The following ARHGEF11 variants were observed in gnomAD, a reference collection of about 807,000 sequenced individuals.
ARHGEF11 encodes Rho guanine nucleotide exchange factor 11.
In ARHGEF11, 55 loss-of-function variants were observed where a neutral mutation model predicts 193.7. The observed-to-expected ratio is 0.28, with a 90% CI of 0.23 to 0.36. The LOEUF (loss-of-function observed/expected upper bound fraction) is 0.36. Among genes scored for constraint, ARHGEF11 ranks in the 10% least tolerant of loss-of-function variants. ARHGEF11 has a pLI of 1.00. For synonymous variants in ARHGEF11, 693 were observed against 768.0 expected, an observed-to-expected ratio of 0.90 and a Z score of 1.62; for missense variants, 1,723 against 2,005.6, an observed-to-expected ratio of 0.86 and a Z score of 2.69.
intron 1 of ARHGEF11, among the ~76,000 whole-genome samples, chr1:157,040,474 T>C (rs1259286711): frequency 1.3e-5 from 2 of 152,164 alleles, no homozygotes; most frequent in African/African-American, 4.8e-5. Flanking sequence ...ACAGAACAAA[T>C]CCTTTCTATC....
At chr1:156,937,615 A>C in intron 38 of ARHGEF11, 119 bp from the exon 39 acceptor site, 1 of 1,110,356 alleles carries the variant, frequency 9.0e-7, no homozygotes, top group East Asian at 2.7e-5. Flanking sequence ...CTCTCCAGAC[A>C]AACTCAGAGA....
At chr1:156,982,598 A>T (rs1004798241) in intron 3 of ARHGEF11, among the ~76,000 whole-genome samples, 1 of 152,024 alleles carries the variant, frequency 6.6e-6, no homozygotes, top group Admixed American at 6.5e-5. Context: ...TAGAACTCAT[A>T]TTCTCCCTGT....
In ARHGEF11 at chr1:156,946,148, G is replaced by A. The variant is rs536993834; in HGVS notation, c.2709C>T (p.His903=). 15 of 1,613,532 alleles carry A rather than the reference G, an allele frequency of 9.3e-6. No homozygotes were observed. Among genetic ancestry groups the A allele is most frequent in the Non-Finnish European group, 1.2e-5 (14 of 1,179,936 alleles). Residue 903 remains histidine (H), a synonymous_variant, in exon 29 of 41, where the codon CAC becomes CAT. Coordinates refer to ENST00000368194, the MANE Select transcript of ARHGEF11 (RefSeq NM_198236.3). ...TCAGCTGCAGCCGCCGACACTGAGG[G>A]TGGCTCTCAGCCTCCTAGACAGCAG... The part of the protein sequence containing the change: ...FQLFMQEAES[H]PQCRRLQLRD...
intron 1 of ARHGEF11, among the ~76,000 whole-genome samples, chr1:157,026,744 A>G (rs1011238288): frequency 6.6e-6 from 1 of 152,224 alleles, no homozygotes; most frequent in Non-Finnish European, 1.5e-5. Context: ...TGTAACAGCT[A>G]TGTTTCAGAA....
At chr1:156,949,469 G>A (rs1269954253) in intron 22 of ARHGEF11, among the ~76,000 whole-genome samples, 1 of 152,170 alleles carries the variant, frequency 6.6e-6, no homozygotes, top group African/African-American at 2.4e-5. Context: ...TAATAGCACA[G>A]CAGGTTGCTG....
intron 1 of ARHGEF11, among the ~76,000 whole-genome samples, chr1:156,997,550 G>A (rs561593186): frequency 2.2e-4 from 34 of 152,264 alleles, no homozygotes; most frequent in African/African-American, 7.7e-4. Flanking sequence ...ACAGCGATGC[G>A]TGGAATGCAC....
At chr1:157,022,579 TA>T (rs1395375221) in intron 1 of ARHGEF11, among the ~76,000 whole-genome samples, 1 of 152,194 alleles carries the variant, frequency 6.6e-6, no homozygotes, top group South Asian at 2.1e-4. Flanking sequence ...TTAAAATTGT[TA>T]AGATGATACT....
chr1:156,957,586 ATCCCTGAGCATCAGGGGC>A (rs1351029559), intron 18 of ARHGEF11, among the ~76,000 whole-genome samples, 188 bp downstream of exon 18: 1 of 152,212 alleles, frequency 6.6e-6, no homozygotes, highest in East Asian at 1.9e-4. Flanking sequence ...CCAGGCAGTG[ATCCCTGAGCATCAGGGGC>A]GTGGGCCTCA....
chr1:156,995,137 C>T (rs959178396), intron 1 of ARHGEF11, among the ~76,000 whole-genome samples: 4 of 152,228 alleles, frequency 2.6e-5, no homozygotes, highest in African/African-American at 7.2e-5. Context: ...AGACCATCAT[C>T]TCTCACCTAG....
At chr1:157,008,738 G>A (rs1324312894) in intron 1 of ARHGEF11, among the ~76,000 whole-genome samples, 1 of 152,152 alleles carries the variant, frequency 6.6e-6, no homozygotes, top group Non-Finnish European at 1.5e-5. Context: ...ATGTAGGGGT[G>A]TTGGCCATTC....
intron 1 of ARHGEF11, among the ~76,000 whole-genome samples, chr1:157,024,097 G>A (rs1459561259): frequency 9.0e-5 from 1 of 11,088 alleles, no homozygotes; most frequent in Non-Finnish European, 9.0e-4. Flanking sequence ...GATATTAATT[G>A]GCATAAAAAA....
chr1:156,946,849 C>T (rs1288187960), intron 27 of ARHGEF11, 62 bp from the exon 28 acceptor site: 16 of 1,536,884 alleles, frequency 1.0e-5, no homozygotes, highest in East Asian at 9.6e-5. Context: ...CAGACCCCTG[C>T]CTTTGCCAAA....
intron 5 of ARHGEF11, 74 bp downstream of exon 5, chr1:156,979,155 A>C: frequency 2.1e-6 from 3 of 1,433,182 alleles, no homozygotes; most frequent in Non-Finnish European, 2.9e-6. Context: ...GCCAGGCCTG[A>C]CCTTTCCTCC....
rs151003739 is a variant in ARHGEF11, at chr1:156,936,657, T to C, written c.4630+159A>G. Among the ~76,000 whole-genome samples the C allele has an allele frequency of 1.4e-3, 217 of 151,806 alleles. 1 individual carries two copies. Among genetic ancestry groups the C allele is most frequent in the African/African-American group, 4.8e-3 (199 of 41,392 alleles). On this transcript the variant is annotated intron_variant, in intron 40 of 40. Transcript: ENST00000368194. ...CCAGGGAGCTTCTGTGGGACTTCCC[T>C]AAAAAGATCCCTCTCTGAAGCTGAG...
chr1:156,987,365 A>G (rs1251479870), intron 1 of ARHGEF11, among the ~76,000 whole-genome samples: 2 of 152,232 alleles, frequency 1.3e-5, no homozygotes, highest in African/African-American at 4.8e-5. Context: ...ATGATACAGA[A>G]TATCTCCATG....
intron 17 of ARHGEF11, 130 bp from the exon 18 acceptor site, chr1:156,957,945 G>T: frequency 2.5e-6 from 2 of 797,630 alleles, no homozygotes; most frequent in Non-Finnish European, 4.3e-6. Flanking sequence ...AGAGAAGTAC[G>T]TCTGATGCAC....
At chr1:157,025,163 C>T (rs1373448216) in intron 1 of ARHGEF11, among the ~76,000 whole-genome samples, 1 of 152,156 alleles carries the variant, frequency 6.6e-6, no homozygotes, top group African/African-American at 2.4e-5. Flanking sequence ...GTTATCTCTA[C>T]CAAACTGATG....
intron 1 of ARHGEF11, among the ~76,000 whole-genome samples, chr1:157,042,519 G>C (rs1407416672): frequency 6.6e-6 from 1 of 152,176 alleles, no homozygotes; most frequent in Non-Finnish European, 1.5e-5. Context: ...AAGCCAGGTA[G>C]CCTCTCTGAG....
At chr1:156,938,076 G>A (rs1449977912) in intron 38 of ARHGEF11, among the ~76,000 whole-genome samples, 7 of 152,204 alleles carry the variant, frequency 4.6e-5, no homozygotes, top group Admixed American at 2.0e-4. Flanking sequence ...ACACTGGAGC[G>A]GCGGCTGAGG....
Sources: allele counts gnomAD v4.1 joint callset (sites outside exome capture counted in the v4.1 genomes callset), GRCh38; gene constraint gnomAD v4.1.1; transcripts MANE v1.5; gene names NCBI Gene and HGNC (gene_info 2026-07-23, HGNC 2026-07-21).